LRRD1: variants seen among roughly 807,000 people sequenced by gnomAD.
The protein encoded by LRRD1 is leucine-rich repeat and death domain-containing protein 1.
A neutral mutation model predicts 69.5 loss-of-function variants in LRRD1; 49 were observed. That is an observed-to-expected ratio of 0.70 (90% CI 0.56 to 0.89). The LOEUF is 0.89. LRRD1 is among the 40% of genes least tolerant of loss of function. The pLI, the probability that LRRD1 is intolerant of heterozygous loss-of-function variation, is 0.00. For synonymous variants in LRRD1, 303 were observed against 338.9 expected, an observed-to-expected ratio of 0.89 and a Z score of 1.16; for missense variants, 853 against 956.0, an observed-to-expected ratio of 0.89 and a Z score of 1.42.
In LRRD1 at chr7:92,164,868, G is replaced by A. The variant is rs1430046785; in HGVS notation, c.335C>T (p.Ala112Val). 6.4e-7 allele frequency: 1 copy of A among 1,551,472 alleles called. No individual in the cohort carries two copies. The highest frequency in any genetic ancestry group is 1.4e-5 in the African/African-American group (1 of 73,034). The change falls in exon 2 of 6, where the codon GCT (alanine) becomes GTT (valine). Residue 112 changes from alanine to valine, a missense_variant. By Grantham distance (64) the Ala-to-Val change is moderately conservative (BLOSUM62 0). This residue lies in a region of LRRD1 where 15 missense variants were observed against 40.9 expected (regional missense o/e 0.37). Coordinates refer to ENST00000458448, the MANE Select transcript of LRRD1 (RefSeq NM_001161528.2). ...TTCATGAGATAGGAAGTTAACCAAA[G>A]CCTGATATTCTGCAGTCCTCCCAGT... Reference protein sequence around the residue: ...SLTGRTAEYQALVNFLSHETV... With the variant: ...SLTGRTAEYQVLVNFLSHETV...
In LRRD1 at chr7:92,144,925, G is replaced by A. The variant is rs1232158746; in HGVS notation, c.2546C>T (p.Thr849Ile). ...TGCACGCGTAAAAAGATTTAAAGCT[G>A]TTATTTTGTCCATAATTTCATATGC... ...IGAYEIMDKI[T>I]ALNLFTRAIK... The change falls in exon 6 of 6, where the codon ACA becomes ATA. Residue 849 changes from threonine (T) to isoleucine (I), a missense_variant. Thr to Ile is a moderately conservative substitution (Grantham distance 89). Around this residue, in one of 3 missense-constraint regions of LRRD1, gnomAD observed 739 missense variants for 808.0 expected, o/e 0.91. Coordinates refer to ENST00000458448, the MANE Select transcript of LRRD1 (RefSeq NM_001161528.2). 4 of 1,527,042 alleles carry A rather than the reference G, an allele frequency of 2.6e-6. No individual in the cohort carries two copies. The highest frequency in any genetic ancestry group is 3.5e-6 in the Non-Finnish European group (4 of 1,132,764). The allele number at this position is 1,527,042 out of a possible 1,614,324, so 94.6% of individuals were successfully genotyped here.
At chr7:92,142,535 A>G (rs573688835), downstream of LRRD1, 14 of 456,632 alleles carry the variant, frequency 3.1e-5, no homozygotes, top group African/African-American at 8.0e-5. Context: ...GCCTGGCTTA[A>G]GTCAAATTGT....
rs527916096 is a variant in LRRD1 at position 92,165,302 on chromosome 7, A to G, written c.-74-26T>C. Reference sequence around the variant, plus strand: ...CTACAAAACAAATGTTGAAATTAAAAGATGTAAGAGATGTCAAAATGACAA... The same window carrying G: ...CTACAAAACAAATGTTGAAATTAAAGGATGTAAGAGATGTCAAAATGACAA... On this transcript the variant is annotated intron_variant, in intron 1 of 5. Transcript: ENST00000458448. The G allele has an allele frequency of 1.5e-5, 8 of 546,574 alleles. No homozygotes were observed. The East Asian group carries it at 2.2e-4, about 15-fold the overall frequency. The allele number at this position is 546,574 out of a possible 1,614,324, so 33.9% of individuals were successfully genotyped here.
At chr7:92,143,704 T>C (rs932799137), downstream of LRRD1, among the ~76,000 whole-genome samples, 1 of 152,140 alleles carries the variant, frequency 6.6e-6, no homozygotes, top group African/African-American at 2.4e-5. Flanking sequence ...CCCGCGCCTC[T>C]CCCTGCACAC....
At chr7:92,177,237 T>TA (rs1789217621) in intron 1 of LRRD1, among the ~76,000 whole-genome samples, 1 of 151,910 alleles carries the variant, frequency 6.6e-6, no homozygotes, top group African/African-American at 2.4e-5. Context: ...GATTTTTTTT[T>TA]AATACTCTTT....
At position 92,156,840 on chromosome 7, in the gene LRRD1, C is replaced by T. The variant is rs371634944; in HGVS notation, c.2116+2165G>A. Among the ~76,000 whole-genome samples the T allele has an allele frequency of 2.6e-5, 4 of 152,178 alleles. 1 individual carries two copies. On this transcript the variant is annotated intron_variant, in intron 3 of 5. Transcript: ENST00000458448. ...GAAGTGGTGAGAAAGGAGAACTTTA[C>T]TTTAATCCTGATCATAGTGGAAAAT...
intron 3 of LRRD1, among the ~76,000 whole-genome samples, chr7:92,158,395 GTGTATATATGTGTATATA>G (rs995954911): frequency 6.7e-6 from 1 of 149,092 alleles, no homozygotes; most frequent in Non-Finnish European, 1.5e-5. Context: ...AAATATATAT[GTGTATATATGTGTATATA>G]TGTATATATG....
In LRRD1 at chr7:92,159,109, C is replaced by CTTGGAATCT. The variant is rs1788743198; in HGVS notation, c.2011_2012insAGATTCCAA (p.Gly671delinsGluIleProArg). On this transcript the variant is annotated protein_altering_variant, in exon 3 of 6. Coordinates refer to ENST00000458448, the MANE Select transcript of LRRD1 (RefSeq NM_001161528.2). Reference sequence around the variant, plus strand: ...TAAACTAACCAAATTTCTCAATTCTCCTATATTTCTTGGAATCTCTCTGAT... The same window carrying CTTGGAATCT: ...TAAACTAACCAAATTTCTCAATTCTCTTGGAATCTCTATATTTCTTGGAATCTCTCTGAT... 1.3e-6 allele frequency: 2 copies of CTTGGAATCT among 1,547,456 alleles called. No individual in the cohort carries two copies. The highest frequency in any genetic ancestry group is 1.7e-6 in the Non-Finnish European group (2 of 1,145,228).
Position 92,163,306 on chromosome 7 carries a change from TTA to T in LRRD1, c.1895_1896del (p.Ile632LysfsTer17). ...CQLQSLEQLN[I>X]SQIKGRKLTR... is the part of the protein sequence containing the mutation. ...CTTACCTTTCTCCCTTTTATCTGAC[TTA>T]TATTCAGCTGTTCCAGTGATTGAAG... On this transcript the variant is annotated frameshift_variant, in exon 2 of 6. Coordinates refer to ENST00000458448, the MANE Select transcript of LRRD1 (RefSeq NM_001161528.2). LOFTEE classifies it high-confidence loss of function. The T allele has an allele frequency of 6.7e-7, 1 of 1,490,138 alleles. No homozygotes were observed. Among genetic ancestry groups the T allele is most frequent in the Non-Finnish European group, 8.9e-7 (1 of 1,121,960 alleles). 92.3% of individuals were successfully genotyped at this position (1,490,138 alleles called of 1,614,324 possible). A position where few individuals can be genotyped will look rare whatever the true frequency, so the allele number is the denominator to read the frequency against.
chr7:92,164,906 A>G lies in LRRD1; in HGVS notation c.297T>C (p.Ser99=). ...CAGTCCTCCCAGTTAGTGATGATAA[A>G]CTCTGTGAAGTTCCTGTTCTAGTGC... ...ETSTRTGTSQ[S]LSSLTGRTAE... is the part of the protein sequence containing the mutation. The change falls in exon 2 of 6, where the codon AGT becomes AGC. Residue 99 remains serine (S), a synonymous_variant. Coordinates refer to ENST00000458448, the MANE Select transcript of LRRD1 (RefSeq NM_001161528.2). 1 of 1,551,324 alleles carries G rather than the reference A, an allele frequency of 6.4e-7. No individual in the cohort carries two copies. The highest frequency in any genetic ancestry group is 1.2e-5 in the South Asian group (1 of 84,042).
At chr7:92,174,683 T>A (rs1217650156) in intron 1 of LRRD1, among the ~76,000 whole-genome samples, 2 of 150,014 alleles carry the variant, frequency 1.3e-5, no homozygotes, top group Non-Finnish European at 3.0e-5. Flanking sequence ...TAATTTTGTA[T>A]TTTTAGTAGA....
downstream of LRRD1, chr7:92,142,228 C>T (rs539371528): frequency 3.2e-6 from 1 of 314,084 alleles, no homozygotes; most frequent in Non-Finnish European, 6.2e-6. Flanking sequence ...AGGCATGAGC[C>T]ACCCTGCCCG....
At position 92,146,075 on chromosome 7, in the gene LRRD1, A is replaced by T. The variant is rs1345960307; in HGVS notation, c.2396+8T>A. The T allele has an allele frequency of 7.1e-7, 1 of 1,415,228 alleles. No homozygotes were observed. The highest frequency in any genetic ancestry group is 1.3e-5 in the South Asian group (1 of 74,252). The allele number at this position is 1,415,228 out of a possible 1,614,324, so 87.7% of individuals were successfully genotyped here. On this transcript the variant is annotated splice_region_variant and intron_variant, in intron 5 of 5. Coordinates refer to ENST00000458448, the MANE Select transcript of LRRD1 (RefSeq NM_001161528.2). Reference sequence around the variant, plus strand: ...AAATTTGTACTAAATGCTGTCATTTATACATACCTCTTTGTAGGCATATCA... The same window carrying T: ...AAATTTGTACTAAATGCTGTCATTTTTACATACCTCTTTGTAGGCATATCA...
chr7:92,156,185 A>G (rs1047734707), intron 3 of LRRD1, among the ~76,000 whole-genome samples: 4 of 152,254 alleles, frequency 2.6e-5, no homozygotes, highest in Non-Finnish European at 2.9e-5. Context: ...TGTTTTGCCA[A>G]TACTATCACT....
chr7:92,155,210 A>T (rs1041511077), intron 3 of LRRD1, among the ~76,000 whole-genome samples: 1 of 152,150 alleles, frequency 6.6e-6, no homozygotes, highest in Admixed American at 6.5e-5. Flanking sequence ...AGGGCCATTA[A>T]TAAGTAAAAT....
Position 92,164,219 on chromosome 7 carries a change from T to C in LRRD1, c.984A>G (p.Leu328=). 1 of 1,549,588 alleles carries C rather than the reference T, an allele frequency of 6.5e-7. No homozygotes were observed. ...TATTGTGATCCATTAAAAGTGTTTC[T>C]AAATTTTTAAGCTCTCTAATTTCTT... ...LPKEIRELKN[L]ETLLMDHNKL... is the part of the protein sequence containing the mutation. The change falls in exon 2 of 6, where the codon TTA becomes TTG. Residue 328 remains leucine, a synonymous_variant. Transcript: ENST00000458448.
At chr7:92,170,087 A>G (rs1056860308) in intron 1 of LRRD1, among the ~76,000 whole-genome samples, 5 of 150,854 alleles carry the variant, frequency 3.3e-5, no homozygotes, top group African/African-American at 1.2e-4. Context: ...AAAGAGAGAG[A>G]GAAATAAAGA....
At chr7:92,177,215 A>C (rs1252872666) in intron 1 of LRRD1, among the ~76,000 whole-genome samples, 1 of 151,644 alleles carries the variant, frequency 6.6e-6, no homozygotes, top group Non-Finnish European at 1.5e-5. Context: ...CATGTTCATT[A>C]GTAATTTTGC....
At chr7:92,155,556 T>C (rs571600988) in intron 3 of LRRD1, among the ~76,000 whole-genome samples, 29 of 151,940 alleles carry the variant, frequency 1.9e-4, no homozygotes, top group Non-Finnish European at 1.0e-4. Flanking sequence ...AGGACTACCA[T>C]ATAGTGGGTG....
Sources: allele counts gnomAD v4.1 joint callset (sites outside exome capture counted in the v4.1 genomes callset), GRCh38; gene constraint gnomAD v4.1.1; regional missense constraint gnomAD v4.1.1; transcripts MANE v1.5; gene names NCBI Gene and HGNC (gene_info 2026-07-23, HGNC 2026-07-21).